The following PTPRT variants were observed in gnomAD, a reference collection of about 807,000 sequenced individuals.
The protein encoded by PTPRT is receptor-type tyrosine-protein phosphatase T.
PTPRT carries 56 observed loss-of-function variants against 176.8 expected under a neutral mutation model. The observed-to-expected ratio is 0.32, with a 90% CI of 0.26 to 0.40. The LOEUF (loss-of-function observed/expected upper bound fraction) is 0.40. Among genes scored for constraint, PTPRT ranks in the 10% least tolerant of loss-of-function variants. The pLI is 1.00. For synonymous variants in PTPRT, 783 were observed against 739.0 expected (o/e 1.06, Z -0.96); for missense variants, 1,540 against 1,908.2 (o/e 0.81, Z 3.60).
chr20:42,928,628 G>A (rs1415008245), intron 1 of PTPRT, among the ~76,000 whole-genome samples: 1 of 152,156 alleles, frequency 6.6e-6, no homozygotes, highest in East Asian at 1.9e-4. Context: ...AGGGATCCAA[G>A]AAGGGGTCAA....
chr20:42,299,187 A>G (rs1253685358), intron 12 of PTPRT, among the ~76,000 whole-genome samples: 1 of 152,212 alleles, frequency 6.6e-6, no homozygotes, highest in Non-Finnish European at 1.5e-5. Context: ...TTGTTTGTAC[A>G]GCTAGGCTTT....
chr20:42,747,366 T>C (rs370228536), intron 6 of PTPRT, among the ~76,000 whole-genome samples: 69 of 152,314 alleles, frequency 4.5e-4, no homozygotes, highest in African/African-American at 1.6e-3. Context: ...ACTGCTGGTC[T>C]AGCAGGAAAT....
At chr20:42,640,867 T>C (rs2074730837) in intron 7 of PTPRT, among the ~76,000 whole-genome samples, 1 of 152,146 alleles carries the variant, frequency 6.6e-6, no homozygotes, top group Non-Finnish European at 1.5e-5. Context: ...GAAATGTGGA[T>C]TGTTCCTCGG....
chr20:43,091,462 C>G (rs1354544450), intron 1 of PTPRT, among the ~76,000 whole-genome samples: 3 of 145,966 alleles, frequency 2.1e-5, no homozygotes, highest in African/African-American at 8.1e-5. Context: ...CTCTCTCTCC[C>G]CCCTCTCTTT....
chr20:42,845,730 G>C (rs1263370919), intron 2 of PTPRT, among the ~76,000 whole-genome samples: 6 of 152,118 alleles, frequency 3.9e-5, no homozygotes, highest in Admixed American at 6.6e-5. Context: ...TGGAGAAATG[G>C]GACATGTATG....
chr20:42,405,195 T>TC (rs1356380533), intron 9 of PTPRT, among the ~76,000 whole-genome samples: 28 of 151,344 alleles, frequency 1.9e-4, no homozygotes, highest in African/African-American at 6.6e-4. Context: ...CTTTTTTTTT[T>TC]CTTTTTTTTT....
At chr20:42,621,305 C>G (rs1053378985) in intron 7 of PTPRT, among the ~76,000 whole-genome samples, 7 of 152,202 alleles carry the variant, frequency 4.6e-5, no homozygotes, top group African/African-American at 1.4e-4. Flanking sequence ...GGCTCCTTTC[C>G]ATTAGCATTT....
At chr20:42,778,954 T>G (rs115395932) in intron 4 of PTPRT, among the ~76,000 whole-genome samples, 1,698 of 152,214 alleles carry the variant, frequency 0.011, 35 homozygotes, top group African/African-American at 0.039. Context: ...AAGAGCCCAG[T>G]AGCATCTCAG....
At chr20:42,922,723 C>T (rs888467185) in intron 1 of PTPRT, among the ~76,000 whole-genome samples, 11 of 152,126 alleles carry the variant, frequency 7.2e-5, no homozygotes, top group African/African-American at 1.9e-4. Flanking sequence ...CCTTGGAGGG[C>T]GAGTCCTCCC....
chr20:42,826,159 G>C (rs769158309), intron 2 of PTPRT, among the ~76,000 whole-genome samples: 1 of 151,952 alleles, frequency 6.6e-6, no homozygotes, highest in East Asian at 1.9e-4. Flanking sequence ...GCAAAACCAC[G>C]GGTGATCCAC....
At chr20:42,445,548 A>G (rs759472445) in intron 9 of PTPRT, among the ~76,000 whole-genome samples, 25 of 152,208 alleles carry the variant, frequency 1.6e-4, no homozygotes, top group Non-Finnish European at 3.4e-4. Context: ...TTATGCTCAC[A>G]ATACAATGGC....
At chr20:42,320,597 C>A (rs991665756) in intron 11 of PTPRT, among the ~76,000 whole-genome samples, 28 of 152,030 alleles carry the variant, frequency 1.8e-4, no homozygotes, top group African/African-American at 6.5e-4. Context: ...GACCCTGAGC[C>A]AAAGTTTCAC....
chr20:42,832,493 T>C (rs931331734), intron 2 of PTPRT, among the ~76,000 whole-genome samples: 2 of 151,700 alleles, frequency 1.3e-5, no homozygotes, highest in African/African-American at 4.8e-5. Flanking sequence ...CACATACTCC[T>C]GAAACTAAAA....
At chr20:42,104,804 G>A (rs1254660286) in intron 24 of PTPRT, 86 bp from the exon 25 acceptor site, 2 of 1,365,802 alleles carry the variant, frequency 1.5e-6, no homozygotes, top group Non-Finnish European at 2.0e-6. Flanking sequence ...TTGTGGCTAT[G>A]AAGAATAGAC....
intron 7 of PTPRT, among the ~76,000 whole-genome samples, chr20:42,508,772 T>C (rs923958429): frequency 2.0e-5 from 3 of 151,644 alleles, no homozygotes; most frequent in African/African-American, 7.3e-5. Context: ...CTATTATTAC[T>C]GTTGTTATTG....
intron 3 of PTPRT, among the ~76,000 whole-genome samples, chr20:42,786,268 A>G (rs2077289331): frequency 6.6e-6 from 1 of 152,204 alleles, no homozygotes; most frequent in Admixed American, 6.5e-5. Context: ...ACCTGACATG[A>G]TGATACATAT....
rs55729028 is a variant in PTPRT at position 42,322,491 on chromosome 20, G to C, written c.1866-6495C>G. 2.9e-4 allele frequency among the ~76,000 whole-genome samples: 30 copies of C among 102,992 alleles called. 2 individuals carry two copies. The highest frequency in any genetic ancestry group is 1.8e-3 in the East Asian group (7 of 3,936). The allele number at this position is 102,992 out of a possible 152,430, so 67.6% of individuals were successfully genotyped here. ...ACTGTCTGATCTTTGACAAACCTGAGAAAAACAAGCAATGGGGAAAGGATT... is the reference window on the plus strand; with the variant it reads ...ACTGTCTGATCTTTGACAAACCTGACAAAAACAAGCAATGGGGAAAGGATT... On this transcript the variant is annotated intron_variant, in intron 11 of 30. Coordinates refer to ENST00000373187, the MANE Select transcript of PTPRT (RefSeq NM_007050.6).
At chr20:43,150,008 T>G (rs1294184969) in intron 1 of PTPRT, among the ~76,000 whole-genome samples, 1 of 152,258 alleles carries the variant, frequency 6.6e-6, no homozygotes, top group Admixed American at 6.5e-5. Flanking sequence ...AATCCTCATC[T>G]GACTAGTGAC....
intron 27 of PTPRT, among the ~76,000 whole-genome samples, chr20:42,092,847 C>T (rs189673391): frequency 3.9e-4 from 60 of 152,346 alleles, no homozygotes; most frequent in African/African-American, 1.4e-3. Context: ...GAATCCATCA[C>T]AGCCCCCATT....
Sources: gnomAD v4.1 joint callset for allele counts (sites outside exome capture counted in the v4.1 genomes callset) on GRCh38, gnomAD v4.1.1 for gene constraint, MANE v1.5 for transcripts, NCBI Gene and HGNC (gene_info 2026-07-23, HGNC 2026-07-21) for gene names.